Variants in ARB2A observed in about 807,000 individuals in gnomAD.
ARB2A encodes the protein cotranscriptional regulator ARB2A.
chr5:93,973,945 C>A, the ARB2A span, among the ~76,000 whole-genome samples: 1 of 152,192 alleles, frequency 6.6e-6, no homozygotes, highest in African/African-American at 2.4e-5. Context: ...TACCACAAAA[C>A]ACATGCAAGC....
At chr5:93,795,084 T>C in the ARB2A span, among the ~76,000 whole-genome samples, 1 of 152,038 alleles carries the variant, frequency 6.6e-6, no homozygotes, top group Non-Finnish European at 1.5e-5. Flanking sequence ...GGGGTAGGGA[T>C]AGGTGTGTCT....
At chr5:93,905,772 T>C in the ARB2A span, among the ~76,000 whole-genome samples, 2 of 151,612 alleles carry the variant, frequency 1.3e-5, no homozygotes, top group African/African-American at 2.4e-5. Context: ...TTATTCTGTT[T>C]AAACAAATTC....
chr5:93,793,412 T>C, the ARB2A span, among the ~76,000 whole-genome samples: 1 of 151,888 alleles, frequency 6.6e-6, no homozygotes, highest in Non-Finnish European at 1.5e-5. Flanking sequence ...ATCCCGTCTT[T>C]GTACCATGGC....
At chr5:93,760,820 C>A in the ARB2A span, among the ~76,000 whole-genome samples, 181 of 152,186 alleles carry the variant, frequency 1.2e-3, no homozygotes, top group African/African-American at 4.1e-3. Context: ...CATTGGAAAA[C>A]CCCTTCTAGA....
the ARB2A span, among the ~76,000 whole-genome samples, chr5:94,046,714 A>T: frequency 2.6e-5 from 4 of 152,100 alleles, no homozygotes; most frequent in African/African-American, 9.7e-5. Flanking sequence ...TTCGGGATAA[A>T]TTCACTTTTT....
the ARB2A span, among the ~76,000 whole-genome samples, chr5:93,711,925 G>A: frequency 1.0e-3 from 153 of 152,300 alleles, no homozygotes; most frequent in Middle Eastern, 3.4e-3. Context: ...TGCTTGGGGC[G>A]AGCGGTAGAC....
chr5:94,080,474 T>TA, the ARB2A span, among the ~76,000 whole-genome samples: 4 of 152,160 alleles, frequency 2.6e-5, no homozygotes, highest in Admixed American at 2.6e-4. Context: ...AGGTTCAACA[T>TA]AGATTTTAAA....
At chr5:93,837,422 GAACA>G in the ARB2A span, among the ~76,000 whole-genome samples, 31 of 152,064 alleles carry the variant, frequency 2.0e-4, no homozygotes, top group Admixed American at 7.9e-4. Context: ...GTGCTGCAAT[GAACA>G]AACAAATACA....
At chr5:93,631,807 G>A in the ARB2A span, among the ~76,000 whole-genome samples, 2 of 151,306 alleles carry the variant, frequency 1.3e-5, no homozygotes, top group South Asian at 4.2e-4. Context: ...TAGGGAGAGG[G>A]GGAGAGGGGA....
the ARB2A span, among the ~76,000 whole-genome samples, chr5:94,057,633 T>C: frequency 6.6e-6 from 1 of 152,240 alleles, no homozygotes; most frequent in Non-Finnish European, 1.5e-5. Flanking sequence ...TTTAAAACAC[T>C]ATTGGAATTC....
the ARB2A span, among the ~76,000 whole-genome samples, chr5:93,818,753 G>T: frequency 1.3e-5 from 2 of 152,148 alleles, no homozygotes; most frequent in South Asian, 4.1e-4. Flanking sequence ...CCAGCAACAA[G>T]GAGCCTATAA....
the ARB2A span, chr5:93,964,436 A>T: frequency 5.4e-6 from 8 of 1,472,656 alleles, no homozygotes; most frequent in Admixed American, 1.4e-4. Flanking sequence ...TGAAATAAAC[A>T]TTTCTTTAAA....
At chr5:93,784,495 A>G in the ARB2A span, 1 of 1,611,576 alleles carries the variant, frequency 6.2e-7, no homozygotes, top group South Asian at 1.1e-5. Flanking sequence ...TTCTCGTTGA[A>G]TCATCTGTTT....
At chr5:93,927,953 G>A in the ARB2A span, among the ~76,000 whole-genome samples, 39 of 151,636 alleles carry the variant, frequency 2.6e-4, 1 homozygote, top group African/African-American at 8.7e-4. Context: ...TGTAGACATC[G>A]TAGCTCAGCT....
the ARB2A span, among the ~76,000 whole-genome samples, chr5:93,958,089 A>G: frequency 6.6e-6 from 1 of 152,068 alleles, no homozygotes; most frequent in Non-Finnish European, 1.5e-5. Context: ...AAATATGCCA[A>G]TATTATGTCA....
chr5:93,861,369 T>C, the ARB2A span: 1 of 149,496 alleles, frequency 6.7e-6, no homozygotes, highest in East Asian at 2.0e-4. Flanking sequence ...AGGCATCACT[T>C]CCTCCACGAA....
the ARB2A span, among the ~76,000 whole-genome samples, chr5:93,623,315 C>A: frequency 1.3e-5 from 2 of 151,852 alleles, no homozygotes; most frequent in African/African-American, 4.8e-5. Flanking sequence ...AGCTTACAGC[C>A]ACATTTGGCA....
the ARB2A span, among the ~76,000 whole-genome samples, chr5:93,830,273 G>A: frequency 1.5e-5 from 2 of 134,964 alleles, no homozygotes; most frequent in East Asian, 4.3e-4. Context: ...ACATATATGT[G>A]TGTATATATA....
the ARB2A span, among the ~76,000 whole-genome samples, chr5:93,839,100 G>A: frequency 6.6e-6 from 1 of 152,082 alleles, no homozygotes; most frequent in Admixed American, 6.5e-5. Flanking sequence ...GTGAGAGAGA[G>A]CATCCCTGTC....
Sources: gnomAD v4.1 joint callset for allele counts (sites outside exome capture counted in the v4.1 genomes callset) on GRCh38, gnomAD v4.1.1 for gene constraint, MANE v1.5 for transcripts, NCBI Gene and HGNC (gene_info 2026-07-23, HGNC 2026-07-21) for gene names.